PAK3: variants seen among roughly 807,000 people sequenced by gnomAD.
PAK3 encodes serine/threonine-protein kinase PAK 3.
PAK3 carries 4 observed loss-of-function variants against 41.0 expected under a neutral mutation model. The ratio of observed to expected loss-of-function variants is 0.10; its 90% CI spans 0.05 to 0.22. PAK3 has a LOEUF of 0.22. Ranked by LOEUF, PAK3 falls within the 10% of genes least tolerant of loss-of-function variation. The probability of loss-of-function intolerance (pLI) is 1.00; values close to 1 mark genes in which losing one functional copy is unlikely to be tolerated. For synonymous variants in PAK3, 146 were observed against 139.6 expected (o/e 1.05, Z -0.32); for missense variants, 205 against 409.9 (o/e 0.50, Z 4.32).
chrX:111,214,244 C>T (rs2094851975), intron 16 of PAK3, among the ~76,000 whole-genome samples: 1 of 111,951 alleles, frequency 8.9e-6, no homozygotes, highest in Non-Finnish European at 1.9e-5. Context: ...ACATACGACG[C>T]AGAGATTCTG....
At chrX:111,146,504 A>G in intron 6 of PAK3, 2 of 1,087,014 alleles carry the variant, frequency 1.8e-6, no homozygotes, top group South Asian at 4.0e-5. Flanking sequence ...TTCTTTCTTT[A>G]TTTACGTCCA....
At chrX:111,197,464 A>T (rs2094628445) in intron 16 of PAK3, among the ~76,000 whole-genome samples, 1 of 111,793 alleles carries the variant, frequency 8.9e-6, no homozygotes, top group African/African-American at 3.3e-5. Context: ...GCTGAGTTGA[A>T]TGATTTATAT....
chrX:111,186,863 T>C (rs1041595327), intron 11 of PAK3, among the ~76,000 whole-genome samples: 3 of 111,981 alleles, frequency 2.7e-5, no homozygotes, highest in African/African-American at 9.7e-5. Flanking sequence ...TGTAAATATA[T>C]GCATGGAGAT....
At chrX:111,193,534 G>A (rs1274509662) in intron 13 of PAK3, among the ~76,000 whole-genome samples, 1 of 109,150 alleles carries the variant, frequency 9.2e-6, no homozygotes, top group Non-Finnish European at 1.9e-5. Context: ...TATTTTAGTA[G>A]AGACGGGGTT....
intron 1 of PAK3, among the ~76,000 whole-genome samples, chrX:111,005,500 T>C (rs2091909784): frequency 8.9e-6 from 1 of 111,888 alleles, no homozygotes; most frequent in Admixed American, 9.5e-5. Flanking sequence ...TACCCATCTG[T>C]ACATTTCCTT....
chrX:111,173,202 T>C, intron 11 of PAK3, 121 bp downstream of exon 11: 1 of 484,909 alleles, frequency 2.1e-6, no homozygotes, highest in Non-Finnish European at 3.7e-6. Context: ...ATTATATTTA[T>C]GTCTTGCATT....
chrX:111,219,750 C>T (rs1457885467), intron 17 of PAK3, among the ~76,000 whole-genome samples: 1 of 110,905 alleles, frequency 9.0e-6, no homozygotes, highest in Non-Finnish European at 1.9e-5. Context: ...AAGATGATGA[C>T]AGCCAAGTTC....
intron 5 of PAK3, among the ~76,000 whole-genome samples, chrX:111,134,286 A>G (rs943731350): frequency 4.5e-5 from 5 of 111,689 alleles, no homozygotes; most frequent in Admixed American, 2.8e-4. Context: ...TTGGGGGAAA[A>G]ACAGCAACAA....
chrX:111,135,391 A>G (rs2093775363), intron 5 of PAK3, among the ~76,000 whole-genome samples: 1 of 111,414 alleles, frequency 9.0e-6, no homozygotes, highest in Admixed American at 9.5e-5. Context: ...GCACCTAAAT[A>G]GAGGTGTTCA....
At chrX:110,978,704 C>CTCTT (rs377626068) in intron 1 of PAK3, among the ~76,000 whole-genome samples, 1,070 of 104,071 alleles carry the variant, frequency 0.01, 12 homozygotes, top group African/African-American at 0.032. Context: ...TTCTCTCTGT[C>CTCTT]TCTTTCTTTC....
At chrX:110,967,411 T>G (rs1467202087) in intron 1 of PAK3, among the ~76,000 whole-genome samples, 3 of 111,238 alleles carry the variant, frequency 2.7e-5, no homozygotes, top group Admixed American at 1.9e-4. Context: ...GGCACAGGGT[T>G]AGGGACAAAG....
chrX:111,058,356 T>C (rs752692862), intron 1 of PAK3, among the ~76,000 whole-genome samples: 11 of 111,962 alleles, frequency 9.8e-5, no homozygotes, highest in Non-Finnish European at 1.7e-4. Flanking sequence ...TGTCTATTTT[T>C]TTGTGTGTGT....
In PAK3 at chrX:111,114,521, A is replaced by G. The variant is rs774951003; in HGVS notation, c.-27-8556A>G. Among the ~76,000 whole-genome samples the G allele has an allele frequency of 1.3e-3, 146 of 112,094 alleles. 1 individual carries two copies. The highest frequency in any genetic ancestry group is 4.6e-3 in the African/African-American group (143 of 30,880). ...GAACAAGGATAAAGCATTAGTTGGT[A>G]TATTTTCCTGTAAAAAGGAATGTTG... On this transcript the variant is annotated intron_variant, in intron 4 of 17. Transcript: ENST00000372007.
intron 6 of PAK3, 114 bp from the exon 7 acceptor site, chrX:111,147,623 C>G: frequency 3.5e-6 from 2 of 569,384 alleles, no homozygotes; most frequent in Non-Finnish European, 6.3e-6. Context: ...CTTCAGTTTC[C>G]CAAGTGTAAT....
intron 1 of PAK3, among the ~76,000 whole-genome samples, chrX:111,010,495 C>A (rs2091996112): frequency 9.0e-6 from 1 of 111,563 alleles, no homozygotes; most frequent in African/African-American, 3.3e-5. Context: ...GAGGTGGGGT[C>A]TTATGGGAGG....
chrX:111,195,919 G>T lies in PAK3; in HGVS notation c.1188G>T (p.Gly396=). The change falls in exon 15 of 18, where the codon GGG becomes GGT. Residue 396 remains glycine, a synonymous_variant. Coordinates refer to ENST00000372007, the MANE Select transcript of PAK3 (RefSeq NM_002578.5). ...RDIKSDNILL[G]MDGSVKLTDF... ...TAAAGAGTGACAATATTCTTCTCGG[G>T]ATGGATGGCTCTGTTAAATTGAGTA... 2 of 1,139,777 alleles carry T rather than the reference G, an allele frequency of 1.8e-6. No homozygotes were observed. Among genetic ancestry groups the T allele is most frequent in the Non-Finnish European group, 2.4e-6 (2 of 829,993 alleles). The allele number at this position is 1,139,777 out of a possible 1,213,427, so 93.9% of individuals were successfully genotyped here.
chrX:111,189,078 T>C (rs2094538449), intron 11 of PAK3, among the ~76,000 whole-genome samples: 1 of 111,377 alleles, frequency 9.0e-6, no homozygotes, highest in South Asian at 3.8e-4. Flanking sequence ...TCCTCCCTCC[T>C]TCCTCACTCT....
chrX:110,991,011 C>T (rs1413986247), intron 1 of PAK3, among the ~76,000 whole-genome samples: 5 of 109,936 alleles, frequency 4.5e-5, no homozygotes, highest in Non-Finnish European at 7.6e-5. Context: ...GGCCTGTAGT[C>T]CCAGGTACTC....
intron 11 of PAK3, among the ~76,000 whole-genome samples, chrX:111,186,014 C>T (rs2094506752): frequency 9.0e-6 from 1 of 111,356 alleles, no homozygotes. Flanking sequence ...AAACGTAATC[C>T]ATCCCTTAAA....
Sources: gnomAD v4.1 joint callset for allele counts (sites outside exome capture counted in the v4.1 genomes callset) on GRCh38, gnomAD v4.1.1 for gene constraint, MANE v1.5 for transcripts, NCBI Gene and HGNC (gene_info 2026-07-23, HGNC 2026-07-21) for gene names.